The following ANO4 variants were observed in gnomAD, a reference collection of about 807,000 sequenced individuals.
ANO4 encodes the protein anoctamin-4.
A neutral mutation model predicts 141.9 loss-of-function variants in ANO4; 69 were observed. The ratio of observed to expected loss-of-function variants is 0.49; its 90% CI spans 0.40 to 0.59. The LOEUF (loss-of-function observed/expected upper bound fraction) is 0.59, where lower values mean the gene tolerates loss of function less well. Ranked by LOEUF, ANO4 falls within the 20% of genes least tolerant of loss-of-function variation. ANO4 has a pLI of 0.00. For missense variants in ANO4, 894 were observed against 1,162.2 expected (o/e 0.77, Z 3.36); for synonymous variants, 350 against 394.3 (o/e 0.89, Z 1.33).
At chr12:100,984,302 G>A (rs1592925428) in intron 7 of ANO4, among the ~76,000 whole-genome samples, 1 of 152,128 alleles carries the variant, frequency 6.6e-6, no homozygotes, top group Non-Finnish European at 1.5e-5. Context: ...TCACTATGTT[G>A]GCCAGGCTGG....
Position 101,126,775 on chromosome 12 carries a change from C to G in ANO4, c.2677-104C>G, listed in dbSNP as rs2051332811. The G allele has an allele frequency of 3.7e-6, 4 of 1,075,898 alleles. No individual in the cohort carries two copies. The South Asian group carries it at 4.8e-5, about 13-fold the overall frequency. 66.6% of individuals were successfully genotyped at this position (1,075,898 alleles called of 1,614,324 possible). A position where few individuals can be genotyped will look rare whatever the true frequency, so the allele number is the denominator to read the frequency against. ...ACACGCCTCCCCTGGTCACTTTGCACTCTCCACATACCCCAGAGGGTCCAC... is the reference window on the plus strand; with the variant it reads ...ACACGCCTCCCCTGGTCACTTTGCAGTCTCCACATACCCCAGAGGGTCCAC... On this transcript the variant is annotated intron_variant, in intron 26 of 27. Coordinates refer to ENST00000392977, the MANE Select transcript of ANO4 (RefSeq NM_001286615.2).
At chr12:100,769,388 A>G (rs1020454676) in intron 3 of ANO4, among the ~76,000 whole-genome samples, 2 of 152,194 alleles carry the variant, frequency 1.3e-5, no homozygotes, top group African/African-American at 4.8e-5. Flanking sequence ...TGGTGTTATG[A>G]TCTAATAAGG....
chr12:100,918,883 T>C (rs925430687), intron 2 of ANO4, among the ~76,000 whole-genome samples: 6 of 152,192 alleles, frequency 3.9e-5, no homozygotes, highest in Non-Finnish European at 8.8e-5. Flanking sequence ...ATTTATATCA[T>C]GGGAGGTGAG....
intron 1 of ANO4, among the ~76,000 whole-genome samples, chr12:100,730,426 G>A (rs564163010): frequency 1.3e-5 from 2 of 152,140 alleles, no homozygotes; most frequent in South Asian, 4.1e-4. Context: ...AGCAAAGCTG[G>A]GCTTCCAACT....
intron 5 of ANO4, among the ~76,000 whole-genome samples, chr12:100,962,425 G>A (rs1418560764): frequency 6.6e-6 from 1 of 151,996 alleles, no homozygotes; most frequent in Non-Finnish European, 1.5e-5. Flanking sequence ...TTTATATCGC[G>A]GCTGAAGAGA....
At chr12:101,011,438 A>G (rs747916005) in intron 8 of ANO4, among the ~76,000 whole-genome samples, 16 of 151,780 alleles carry the variant, frequency 1.1e-4, no homozygotes, top group Admixed American at 3.3e-4. Flanking sequence ...TCTCATCCCA[A>G]TATTGCATCA....
rs1172837760 is a variant in ANO4, at chr12:100,987,588, A to G, written c.652A>G (p.Met218Val). The G allele has an allele frequency of 3.7e-6, 6 of 1,613,978 alleles. No homozygotes were observed. Among genetic ancestry groups the G allele is most frequent in the African/African-American group, 2.7e-5 (2 of 74,912 alleles). Residue 218 changes from methionine to valine, a missense_variant, in exon 8 of 28, where the codon ATG (methionine) becomes GTG (valine). Coordinates refer to ENST00000392977, the MANE Select transcript of ANO4 (RefSeq NM_001286615.2). ...TCGGAGATGGTTACCTAAGAAGCCA[A>G]TGAGGCTGGACAAGGAGACACTGCC... ...RFRRWLPKKP[M>V]RLDKETLPDL... is the part of the protein sequence containing the mutation.
At chr12:100,967,070 CA>C in intron 5 of ANO4, among the ~76,000 whole-genome samples, 1 of 151,386 alleles carries the variant, frequency 6.6e-6, no homozygotes, top group Non-Finnish European at 1.5e-5. Context: ...TCTTGCTGAA[CA>C]AAAGAAAAAA....
chr12:100,774,646 A>G (rs1200855133), intron 3 of ANO4, among the ~76,000 whole-genome samples: 1 of 152,262 alleles, frequency 6.6e-6, no homozygotes, highest in East Asian at 1.9e-4. Context: ...CCCCCACAAC[A>G]TATGCGAATG....
At chr12:101,074,280 G>A (rs2048939257) in intron 14 of ANO4, among the ~76,000 whole-genome samples, 1 of 152,182 alleles carries the variant, frequency 6.6e-6, no homozygotes, top group African/African-American at 2.4e-5. Context: ...GTCACTCAGG[G>A]ACTCATGTTC....
At chr12:100,824,746 C>T (rs1190381904) in intron 1 of ANO4, among the ~76,000 whole-genome samples, 1 of 152,012 alleles carries the variant, frequency 6.6e-6, no homozygotes, top group Non-Finnish European at 1.5e-5. Context: ...GTTTACTTCG[C>T]AGAGGAAATG....
At chr12:100,868,443 C>T (rs1180702027) in intron 1 of ANO4, among the ~76,000 whole-genome samples, 1 of 152,144 alleles carries the variant, frequency 6.6e-6, no homozygotes, top group African/African-American at 2.4e-5. Flanking sequence ...ATTATTTAGT[C>T]ACCACCACAG....
At chr12:100,817,180 A>G (rs1045608644) in intron 1 of ANO4, among the ~76,000 whole-genome samples, 11 of 151,814 alleles carry the variant, frequency 7.2e-5, no homozygotes, top group African/African-American at 2.4e-4. Context: ...TTCAACATAT[A>G]TATTAAAAGA....
chr12:100,929,081 G>T (rs2041988432), intron 3 of ANO4, among the ~76,000 whole-genome samples: 1 of 151,900 alleles, frequency 6.6e-6, no homozygotes, highest in Admixed American at 6.6e-5. Context: ...TGTAAATGGG[G>T]TATCCACCAC....
intron 9 of ANO4, among the ~76,000 whole-genome samples, chr12:101,025,521 A>G (rs1289475607): frequency 6.6e-6 from 1 of 152,224 alleles, no homozygotes; most frequent in East Asian, 1.9e-4. Flanking sequence ...GGTCTCCCTC[A>G]AGTATTCAGC....
chr12:100,830,911 T>C (rs2036598253), intron 1 of ANO4, among the ~76,000 whole-genome samples: 1 of 152,100 alleles, frequency 6.6e-6, no homozygotes, highest in African/African-American at 2.4e-5. Flanking sequence ...TTAATGAGTA[T>C]ACCATAAGCT....
intron 24 of ANO4, among the ~76,000 whole-genome samples, chr12:101,113,445 G>A (rs913842837): frequency 1.3e-5 from 2 of 152,062 alleles, no homozygotes; most frequent in Non-Finnish European, 2.9e-5. Flanking sequence ...TGGGCTCTTT[G>A]GAGCTTTTCT....
chr12:100,853,740 T>G (rs1235250508), intron 1 of ANO4, among the ~76,000 whole-genome samples: 1 of 152,124 alleles, frequency 6.6e-6, no homozygotes, highest in African/African-American at 2.4e-5. Context: ...TGCATAAATG[T>G]TTTACGTGTA....
chr12:100,789,977 G>A (rs2033992042), upstream of ANO4, among the ~76,000 whole-genome samples: 1 of 152,224 alleles, frequency 6.6e-6, no homozygotes, highest in Non-Finnish European at 1.5e-5. Context: ...AGAGGAAGAA[G>A]CGATTAAGTA....
Sources: gnomAD v4.1 joint callset for allele counts (sites outside exome capture counted in the v4.1 genomes callset) on GRCh38, gnomAD v4.1.1 for gene constraint, MANE v1.5 for transcripts, NCBI Gene and HGNC (gene_info 2026-07-23, HGNC 2026-07-21) for gene names.